Variants in RFWD3 observed in about 807,000 individuals in gnomAD.
RFWD3 encodes E3 ubiquitin-protein ligase RFWD3.
Under a neutral mutation model 87.7 loss-of-function variants are expected in RFWD3, and 65 were observed. The observed-to-expected ratio is 0.74, with a 90% CI of 0.61 to 0.91. The LOEUF (loss-of-function observed/expected upper bound fraction) is 0.91, where lower values mean the gene tolerates loss of function less well. Among genes scored for constraint, RFWD3 ranks in the 40% least tolerant of loss-of-function variants. The pLI is 0.00. For missense variants in RFWD3, 1,078 were observed against 938.5 expected (o/e 1.15, Z -1.94); for synonymous variants, 433 against 352.8 (o/e 1.23, Z -2.55).
intron 1 of RFWD3, chr16:74,666,476 G>C (rs1000471029): frequency 2.6e-5 from 4 of 152,266 alleles, no homozygotes; most frequent in African/African-American, 9.6e-5. Context: ...GGAAGGGCCG[G>C]GCGACCTCCC....
chr16:74,628,712 A>G, intron 10 of RFWD3, 46 bp from the exon 11 acceptor site: 1 of 1,569,772 alleles, frequency 6.4e-7, no homozygotes, highest in African/African-American at 1.3e-5. Context: ...CAAAACTCGG[A>G]CGGCTCCAGA....
intron 4 of RFWD3, 48 bp from the exon 5 acceptor site, chr16:74,644,783 A>G: frequency 4.5e-6 from 7 of 1,548,700 alleles, no homozygotes; most frequent in East Asian, 2.3e-5. Context: ...TGTAAAATCA[A>G]TCTTGAAGAA....
intron 4 of RFWD3, among the ~76,000 whole-genome samples, chr16:74,647,426 T>C (rs1960235402): frequency 6.6e-6 from 1 of 152,090 alleles, no homozygotes; most frequent in Non-Finnish European, 1.5e-5. Context: ...TAGCTGGGAC[T>C]ATAGGCACGC....
chr16:74,654,155 A>C (rs919371911), intron 2 of RFWD3, among the ~76,000 whole-genome samples: 4 of 152,042 alleles, frequency 2.6e-5, no homozygotes, highest in African/African-American at 9.7e-5. Flanking sequence ...CCTATTTGGT[A>C]GTCATGTCCT....
intron 8 of RFWD3, 67 bp downstream of exon 8, chr16:74,636,279 A>G (rs1959195756): frequency 2.1e-6 from 3 of 1,454,192 alleles, no homozygotes; most frequent in Non-Finnish European, 2.9e-6. Flanking sequence ...GAATTTTCCA[A>G]AAGGCAAGGA....
Position 74,663,669 on chromosome 16 carries a change from C to T in RFWD3, c.-2-2218G>A, listed in dbSNP as rs757588743. Among the ~76,000 whole-genome samples the T allele has an allele frequency of 1.3e-3, 197 of 152,240 alleles. No individual in the cohort carries two copies. The Middle Eastern group carries it at 0.02, about 16-fold the overall frequency. ...TTTTTTTAAGAAAGGATAAATTAAC[C>T]AGGACGACACAAATGCAAACAGGGT... On this transcript the variant is annotated intron_variant, in intron 1 of 12. Transcript: ENST00000361070.
At chr16:74,650,532 T>C (rs988054534) in intron 3 of RFWD3, among the ~76,000 whole-genome samples, 1 of 152,174 alleles carries the variant, frequency 6.6e-6, no homozygotes, top group Non-Finnish European at 1.5e-5. Flanking sequence ...CTGGTCCCTG[T>C]ATTAAAAGGA....
chr16:74,644,361 C>A lies in RFWD3; in HGVS notation c.1079+1G>T, dbSNP rs903019922. ...CAGCCAGGCATACTCTTACCACCTA[C>A]CTTTTCATGCGCTCCTGTTCACTAG... On this transcript the variant is annotated splice_donor_variant, in intron 6 of 12. Coordinates refer to ENST00000361070, the MANE Select transcript of RFWD3 (RefSeq NM_018124.4). LOFTEE classifies it high-confidence loss of function. 3.1e-6 allele frequency: 5 copies of A among 1,614,032 alleles called. No homozygotes were observed. Among genetic ancestry groups the A allele is most frequent in the Non-Finnish European group, 4.2e-6 (5 of 1,179,964 alleles).
chr16:74,626,616 C>T, intron 11 of RFWD3, 62 bp from the exon 12 acceptor site: 1 of 1,362,090 alleles, frequency 7.3e-7, no homozygotes, highest in Non-Finnish European at 1.0e-6. Flanking sequence ...TAACCAAGTA[C>T]CCAAACCTCA....
chr16:74,657,791 A>G (rs536291264), intron 2 of RFWD3, among the ~76,000 whole-genome samples: 1 of 152,258 alleles, frequency 6.6e-6, no homozygotes, highest in South Asian at 2.1e-4. Flanking sequence ...CTTTTTAGAC[A>G]GTGCTAAGCA....
intron 6 of RFWD3, among the ~76,000 whole-genome samples, chr16:74,640,956 CA>C (rs1372700959): frequency 6.6e-6 from 1 of 151,674 alleles, no homozygotes; most frequent in Non-Finnish European, 1.5e-5. Context: ...ATAAAATTCA[CA>C]AAGGTATGAA....
At chr16:74,645,407 T>C (rs781508156) in intron 4 of RFWD3, among the ~76,000 whole-genome samples, 3 of 152,246 alleles carry the variant, frequency 2.0e-5, no homozygotes, top group Non-Finnish European at 4.4e-5. Context: ...AAATGCGTCT[T>C]TAGGCGATTT....
intron 1 of RFWD3, chr16:74,666,220 A>AGATAGATAGATAGATTGATT (rs1195587029): frequency 2.8e-5 from 4 of 142,954 alleles, no homozygotes; most frequent in African/African-American, 1.0e-4. Context: ...ATAGATAGAT[A>AGATAGATAGATAGATTGATT]GATTGATTAG....
intron 11 of RFWD3, among the ~76,000 whole-genome samples, chr16:74,628,164 C>G (rs1958990708): frequency 6.6e-6 from 1 of 152,164 alleles, no homozygotes; most frequent in African/African-American, 2.4e-5. Flanking sequence ...CTAGAGCTGG[C>G]CCCCTTGTTC....
chr16:74,647,126 A>G (rs1419186436), intron 4 of RFWD3, among the ~76,000 whole-genome samples: 1 of 152,206 alleles, frequency 6.6e-6, no homozygotes, highest in African/African-American at 2.4e-5. Context: ...TGATAACAGA[A>G]AGCTCTCCAA....
intron 4 of RFWD3, among the ~76,000 whole-genome samples, chr16:74,647,462 ATTTTTAGTAGAGATGGGGTTTCACCCTGT>A (rs1220961908): frequency 1.3e-5 from 2 of 151,852 alleles, no homozygotes; most frequent in African/African-American, 4.8e-5. Flanking sequence ...TAATTTTTGT[ATTTTTAGTAGAGATGGGGTTTCACCCTGT>A]TGGCCAGGCT....
In RFWD3 at chr16:74,626,557, A is replaced by G. The variant is rs1958941385; in HGVS notation, c.1970-3T>C. 1 of 1,613,132 alleles carries G rather than the reference A, an allele frequency of 6.2e-7. No individual in the cohort carries two copies. Among genetic ancestry groups the G allele is most frequent in the East Asian group, 2.2e-5 (1 of 44,872 alleles). ...TCGTATGGTGGTGTGATTTTTATCT[A>G]TGGGACAGAGAAATCAGTGCTGCAC... is the stretch of plus-strand genomic sequence containing the variant. On this transcript the variant is annotated splice_region_variant and splice_polypyrimidine_tract_variant and intron_variant, in intron 11 of 12. Transcript: ENST00000361070.
At chr16:74,637,600 TC>T (rs1959254065) in intron 7 of RFWD3, among the ~76,000 whole-genome samples, 1 of 152,104 alleles carries the variant, frequency 6.6e-6, no homozygotes, top group East Asian at 1.9e-4. Context: ...ATCACTGCAC[TC>T]CAGCCTAGGT....
At chr16:74,643,293 A>T (rs1325719044) in intron 6 of RFWD3, among the ~76,000 whole-genome samples, 1 of 152,012 alleles carries the variant, frequency 6.6e-6, no homozygotes, top group Non-Finnish European at 1.5e-5. Context: ...CTTTTTTTCT[A>T]GTTCACAAAA....
Sources: gnomAD v4.1 joint callset for allele counts (sites outside exome capture counted in the v4.1 genomes callset) on GRCh38, gnomAD v4.1.1 for gene constraint, MANE v1.5 for transcripts, NCBI Gene and HGNC (gene_info 2026-07-23, HGNC 2026-07-21) for gene names.